The following RANBP17 variants were observed in gnomAD, a reference collection of about 807,000 sequenced individuals.
RANBP17 encodes ran-binding protein 17.
RANBP17 carries 158 observed loss-of-function variants against 141.2 expected under a neutral mutation model. The observed-to-expected ratio is 1.12, with a 90% confidence interval of 0.98 to 1.28. RANBP17 has a LOEUF of 1.28. Ranked by LOEUF, RANBP17 falls within the 50% of genes most tolerant of loss-of-function variation. The probability of loss-of-function intolerance (pLI) is 0.00; values close to 1 mark genes in which losing one functional copy is unlikely to be tolerated. For synonymous variants in RANBP17, 430 were observed against 450.0 expected, an observed-to-expected ratio of 0.96 and a Z score of 0.56; for missense variants, 1,438 against 1,290.7, an observed-to-expected ratio of 1.11 and a Z score of -1.75.
At chr5:171,179,307 C>A (rs1007122576) in intron 16 of RANBP17, among the ~76,000 whole-genome samples, 1 of 151,916 alleles carries the variant, frequency 6.6e-6, no homozygotes, top group Non-Finnish European at 1.5e-5. Context: ...ATGGGTAGTT[C>A]TTCCTCCTAT....
intron 14 of RANBP17, among the ~76,000 whole-genome samples, chr5:171,010,843 A>G (rs1779987656): frequency 6.6e-6 from 1 of 152,172 alleles, no homozygotes; most frequent in South Asian, 2.1e-4. Flanking sequence ...GAACTTATCA[A>G]AACTAGTAAG....
At chr5:171,075,372 AAAAGT>A (rs1784856110) in intron 14 of RANBP17, among the ~76,000 whole-genome samples, 1 of 152,220 alleles carries the variant, frequency 6.6e-6, no homozygotes, top group South Asian at 2.1e-4. Context: ...AAGAAATGAT[AAAAGT>A]AAAGTATTGG....
intron 20 of RANBP17, among the ~76,000 whole-genome samples, chr5:171,213,040 G>A (rs1033199187): frequency 6.6e-5 from 10 of 152,202 alleles, no homozygotes; most frequent in East Asian, 1.9e-4. Context: ...AAAGCTTTTC[G>A]TCAAGCCAAC....
chr5:170,862,095 G>A (rs1766831621), intron 1 of RANBP17, 44 bp downstream of exon 1: 1 of 1,434,916 alleles, frequency 7.0e-7, no homozygotes, highest in Non-Finnish European at 9.1e-7. Context: ...GCCACGCTGG[G>A]AACCCGGCGG....
At chr5:170,969,065 AT>A (rs905568936) in intron 14 of RANBP17, among the ~76,000 whole-genome samples, 5 of 151,792 alleles carry the variant, frequency 3.3e-5, no homozygotes, top group Admixed American at 6.6e-5. Context: ...AGGATTTTTT[AT>A]TTGAAAATTC....
chr5:170,962,243 T>C (rs1056916206), intron 13 of RANBP17, among the ~76,000 whole-genome samples: 11 of 152,212 alleles, frequency 7.2e-5, no homozygotes, highest in African/African-American at 2.7e-4. Flanking sequence ...CTGCTAAAAC[T>C]TCTTTGACAA....
chr5:171,130,457 ACGGAGTTT>A (rs1756828112), intron 14 of RANBP17, among the ~76,000 whole-genome samples: 1 of 20,544 alleles, frequency 4.9e-5, no homozygotes. Context: ...TTTTTTTGAG[ACGGAGTTT>A]CGCTCTTCTT....
chr5:171,277,016 G>A (rs1767532562), intron 25 of RANBP17, among the ~76,000 whole-genome samples: 1 of 143,000 alleles, frequency 7.0e-6, no homozygotes, highest in South Asian at 2.2e-4. Context: ...TTAACAATAT[G>A]TATTCAAAAG....
At chr5:171,180,007 A>G (rs1269628106) in intron 16 of RANBP17, among the ~76,000 whole-genome samples, 1 of 152,138 alleles carries the variant, frequency 6.6e-6, no homozygotes, top group Non-Finnish European at 1.5e-5. Flanking sequence ...TTCATGTGTC[A>G]TCCTAGCTAT....
chr5:171,206,719 G>A (rs1488535218), intron 20 of RANBP17: 1 of 179,438 alleles, frequency 5.6e-6, no homozygotes, highest in East Asian at 9.2e-5. Context: ...AGGGGATCTA[G>A]GCATGTTTTA....
intron 14 of RANBP17, among the ~76,000 whole-genome samples, chr5:171,125,609 C>T (rs1384100868): frequency 6.6e-6 from 1 of 152,116 alleles, no homozygotes; most frequent in African/African-American, 2.4e-5. Flanking sequence ...TTCAACAGAT[C>T]ATTTAGGCAA....
At chr5:171,071,700 A>G (rs1270607581) in intron 14 of RANBP17, among the ~76,000 whole-genome samples, 2 of 148,962 alleles carry the variant, frequency 1.3e-5, no homozygotes, top group Admixed American at 1.3e-4. Context: ...AACATGTACC[A>G]CACAACTTGT....
chr5:171,146,893 A>G (rs1313415675), intron 14 of RANBP17, among the ~76,000 whole-genome samples: 1 of 152,232 alleles, frequency 6.6e-6, no homozygotes, highest in Non-Finnish European at 1.5e-5. Flanking sequence ...TTAAATTTAA[A>G]TTCTAACTCT....
At chr5:170,867,104 A>G (rs562678492) in intron 1 of RANBP17, 1 of 152,304 alleles carries the variant, frequency 6.6e-6, no homozygotes, top group South Asian at 2.1e-4. Flanking sequence ...TTGCATAGCT[A>G]TTGCACACCA....
At chr5:170,907,803 A>G (rs1440400640) in intron 5 of RANBP17, among the ~76,000 whole-genome samples, 1 of 152,022 alleles carries the variant, frequency 6.6e-6, no homozygotes, top group African/African-American at 2.4e-5. Flanking sequence ...AAATATTTTT[A>G]TATATTGAGG....
At chr5:170,903,400 T>C (rs1170954125) in intron 5 of RANBP17, 3 of 152,884 alleles carry the variant, frequency 2.0e-5, no homozygotes, top group Non-Finnish European at 4.4e-5. Flanking sequence ...TTAAAGCCAG[T>C]TGATCTTAGC....
At chr5:171,165,262 A>G (rs755326463) in intron 14 of RANBP17, among the ~76,000 whole-genome samples, 8 of 151,982 alleles carry the variant, frequency 5.3e-5, no homozygotes, top group Non-Finnish European at 1.0e-4. Context: ...GCTCACTGCA[A>G]CCTCCGCCTT....
At chr5:171,291,931 A>G (rs577520690) in intron 25 of RANBP17, among the ~76,000 whole-genome samples, 1 of 152,380 alleles carries the variant, frequency 6.6e-6, no homozygotes, top group South Asian at 2.1e-4. Flanking sequence ...AAATGAATAC[A>G]CAGGAGAACC....
chr5:171,018,740 C>T (rs1780629256), intron 14 of RANBP17, among the ~76,000 whole-genome samples: 1 of 152,146 alleles, frequency 6.6e-6, no homozygotes, highest in African/African-American at 2.4e-5. Flanking sequence ...TATTTGAATA[C>T]CCTTTATTTC....
Sources: allele counts gnomAD v4.1 joint callset (sites outside exome capture counted in the v4.1 genomes callset), GRCh38; gene constraint gnomAD v4.1.1; transcripts MANE v1.5; gene names NCBI Gene and HGNC (gene_info 2026-07-23, HGNC 2026-07-21).